Variants in SF3A3 observed in about 807,000 individuals in gnomAD.
The protein encoded by SF3A3 is splicing factor 3a subunit 3.
SF3A3 carries 9 observed loss-of-function variants against 85.8 expected under a neutral mutation model. The observed-to-expected ratio is 0.10, with a 90% CI of 0.06 to 0.18. SF3A3 has a LOEUF of 0.18. Ranked by LOEUF, SF3A3 falls within the 10% of genes least tolerant of loss-of-function variation. The pLI, the probability that SF3A3 is intolerant of heterozygous loss-of-function variation, is 1.00. For synonymous variants in SF3A3, 195 were observed against 204.4 expected (o/e 0.95, Z 0.39); for missense variants, 306 against 593.3 (o/e 0.52, Z 5.03).
intron 15 of SF3A3, among the ~76,000 whole-genome samples, chr1:37,961,473 A>T (rs1398027568): frequency 6.6e-6 from 1 of 151,764 alleles, no homozygotes; most frequent in Non-Finnish European, 1.5e-5. Flanking sequence ...AATCCCAGCT[A>T]CTCAGGAGGC....
intron 12 of SF3A3, among the ~76,000 whole-genome samples, chr1:37,975,728 C>T (rs1275636898): frequency 5.9e-5 from 9 of 152,142 alleles, no homozygotes; most frequent in Admixed American, 5.9e-4. Context: ...AGTTCTACAG[C>T]TATTATACGA....
chr1:37,989,323 G>C (rs968209412), intron 2 of SF3A3, among the ~76,000 whole-genome samples: 3 of 151,898 alleles, frequency 2.0e-5, no homozygotes, highest in Non-Finnish European at 4.4e-5. Context: ...AAAAAAAAAG[G>C]GCACCTTTCT....
At chr1:37,989,777 G>T in intron 1 of SF3A3, 93 bp downstream of exon 1, 1 of 1,255,280 alleles carries the variant, frequency 8.0e-7, no homozygotes, top group South Asian at 1.2e-5. Flanking sequence ...GAGGAAGGCA[G>T]GGAGGTTCTG....
At chr1:37,978,477 G>A (rs1646395004) in intron 11 of SF3A3, among the ~76,000 whole-genome samples, 2 of 152,104 alleles carry the variant, frequency 1.3e-5, no homozygotes, top group South Asian at 4.1e-4. Context: ...TATTAAAGGT[G>A]CCATGAATAT....
intron 6 of SF3A3, among the ~76,000 whole-genome samples, chr1:37,983,710 G>A (rs1372975308): frequency 1.3e-5 from 2 of 151,816 alleles, no homozygotes; most frequent in African/African-American, 4.8e-5. Flanking sequence ...CGAGACAGGA[G>A]GATCATTTGA....
intron 9 of SF3A3, 131 bp downstream of exon 9, chr1:37,979,330 ACTTT>A (rs1405915986): frequency 8.3e-6 from 6 of 723,514 alleles, no homozygotes; most frequent in East Asian, 8.0e-5. Flanking sequence ...TTGCCTTGCT[ACTTT>A]CTTTGTAGAT....
At chr1:37,960,905 G>A (rs1195258977) in intron 15 of SF3A3, among the ~76,000 whole-genome samples, 1 of 151,798 alleles carries the variant, frequency 6.6e-6, no homozygotes, top group Non-Finnish European at 1.5e-5. Flanking sequence ...CACCCGCCTC[G>A]GCCTCCCAAA....
intron 8 of SF3A3, 128 bp downstream of exon 8, chr1:37,980,458 A>G: frequency 1.0e-6 from 1 of 983,334 alleles, no homozygotes; most frequent in East Asian, 2.5e-5. Flanking sequence ...TTGGCAGGGA[A>G]TACCTCATTG....
chr1:37,982,210 A>C (rs1383899493), intron 6 of SF3A3, among the ~76,000 whole-genome samples: 1 of 152,134 alleles, frequency 6.6e-6, no homozygotes, highest in Non-Finnish European at 1.5e-5. Context: ...GGGTACAGAA[A>C]ACAACAAAAC....
Position 37,969,694 on chromosome 1 carries a change from T to C in SF3A3, c.1047A>G (p.Gln349=). 6.2e-7 allele frequency: 1 copy of C among 1,614,226 alleles called. No homozygotes were observed. The highest frequency in any genetic ancestry group is 8.5e-7 in the Non-Finnish European group (1 of 1,180,036). Residue 349 remains glutamine (Q), a synonymous_variant, in exon 13 of 17, where the codon CAA becomes CAG. Transcript: ENST00000373019. The part of the protein sequence containing the change: ...HLTHENVQRK[Q]ARTGEEREEE... ...CTTCTCGCTCTTCTCCTGTCCTGGCTTGCTTGCGCTGTACATTTTCATGAG... is the reference window on the plus strand; with the variant it reads ...CTTCTCGCTCTTCTCCTGTCCTGGCCTGCTTGCGCTGTACATTTTCATGAG...
chr1:37,967,210 G>A (rs1229097135), intron 15 of SF3A3, among the ~76,000 whole-genome samples: 3 of 146,400 alleles, frequency 2.0e-5, no homozygotes, highest in African/African-American at 5.1e-5. Context: ...AGCCAAGATC[G>A]TGCCACTGCA....
chr1:37,967,958 C>T, intron 15 of SF3A3, 86 bp downstream of exon 15: 5 of 788,432 alleles, frequency 6.3e-6, no homozygotes, highest in Non-Finnish European at 1.1e-5. Flanking sequence ...GCCTTTAACC[C>T]TGGATACACA....
intron 2 of SF3A3, 66 bp downstream of exon 2, chr1:37,989,482 A>C (rs954442200): frequency 6.4e-7 from 1 of 1,554,122 alleles, no homozygotes; most frequent in Non-Finnish European, 8.8e-7. Context: ...GAGACACCGC[A>C]CTTCACTTCC....
rs766760279 is a variant in SF3A3, at chr1:37,980,743, T to C, written c.552-19A>G. On this transcript the variant is annotated intron_variant, in intron 7 of 16. Coordinates refer to ENST00000373019, the MANE Select transcript of SF3A3 (RefSeq NM_006802.4). ...TAGGTATCTACAGAGGAACACACAA[T>C]GCAGACAAAGCAAAAAGGGTTTCTA... 1.3e-6 allele frequency: 2 copies of C among 1,582,100 alleles called. No homozygotes were observed. Among genetic ancestry groups the C allele is most frequent in the East Asian group, 2.3e-5 (1 of 44,220 alleles).
At chr1:37,988,377 G>C (rs916097857) in intron 2 of SF3A3, among the ~76,000 whole-genome samples, 9 of 152,176 alleles carry the variant, frequency 5.9e-5, no homozygotes, top group African/African-American at 2.2e-4. Flanking sequence ...AAGTTCAAAA[G>C]AGGTATCATA....
intron 8 of SF3A3, among the ~76,000 whole-genome samples, chr1:37,980,355 C>T (rs369806934): frequency 3.6e-4 from 55 of 151,392 alleles, no homozygotes; most frequent in African/African-American, 9.5e-4. Context: ...ACCCGGGAAG[C>T]GGAGGTTGAG....
chr1:37,969,338 G>A lies in SF3A3; in HGVS notation c.1281+16C>T. 1 of 1,569,714 alleles carries A rather than the reference G, an allele frequency of 6.4e-7. No individual in the cohort carries two copies. The highest frequency in any genetic ancestry group is 8.8e-7 in the Non-Finnish European group (1 of 1,141,454). ...TTTACTTCAATTCCCAGGAAAAATG[G>A]CTCTGAATTCCTTACAGCAAAGTGT... On this transcript the variant is annotated intron_variant, in intron 14 of 16. Coordinates refer to ENST00000373019, the MANE Select transcript of SF3A3 (RefSeq NM_006802.4).
At chr1:37,960,282 G>A in intron 15 of SF3A3, 107 bp from the exon 16 acceptor site, 1 of 1,042,374 alleles carries the variant, frequency 9.6e-7, no homozygotes, top group Non-Finnish European at 1.5e-6. Context: ...AGAAGACTCT[G>A]CCTTTGAGAT....
At chr1:37,960,576 AT>A (rs148346011) in intron 15 of SF3A3, 5,155 of 176,190 alleles carry the variant, frequency 0.029, 267 homozygotes, top group African/African-American at 0.11. Context: ...ATCCAAAAAA[AT>A]CATTGTAGCT....
Sources: allele counts gnomAD v4.1 joint callset (sites outside exome capture counted in the v4.1 genomes callset), GRCh38; gene constraint gnomAD v4.1.1; transcripts MANE v1.5; gene names NCBI Gene and HGNC (gene_info 2026-07-23, HGNC 2026-07-21).